The following AXIN2 variants were observed in gnomAD, a reference collection of about 807,000 sequenced individuals.
AXIN2 encodes axin-2.
Under a neutral mutation model 74.7 loss-of-function variants are expected in AXIN2, and 21 were observed. That is an observed-to-expected ratio of 0.28 (90% CI 0.20 to 0.40). AXIN2 has a LOEUF of 0.40. Among genes scored for constraint, AXIN2 ranks in the 10% least tolerant of loss-of-function variants. The probability of loss-of-function intolerance (pLI) is 1.00; values close to 1 mark genes in which losing one functional copy is unlikely to be tolerated. For missense variants in AXIN2, 1,144 were observed against 1,111.1 expected, an observed-to-expected ratio of 1.03 and a Z score of -0.42; for synonymous variants, 532 against 454.9, an observed-to-expected ratio of 1.17 and a Z score of -2.16.
chr17:65,536,830 A>G (rs9906513), intron 7 of AXIN2, 39 bp downstream of exon 7: 1 of 1,611,514 alleles, frequency 6.2e-7, no homozygotes, highest in African/African-American at 1.3e-5. Flanking sequence ...CTGAGTGCCC[A>G]TGACCCTCGC....
At position 65,535,489 on chromosome 17, in the gene AXIN2, T is replaced by C. The variant is rs929610656; in HGVS notation, c.2237+137A>G. On this transcript the variant is annotated intron_variant, in intron 9 of 10. Coordinates refer to ENST00000307078, the MANE Select transcript of AXIN2 (RefSeq NM_004655.4). The stretch of plus-strand genomic sequence containing the variant: ...TGGATGGCAACATCTACGTTTACTG[T>C]TCCTCATCACTAGCGCTAAAATCAA... 1.2e-5 allele frequency: 10 copies of C among 817,644 alleles called. No individual in the cohort carries two copies. In the African/African-American group the frequency reaches 1.7e-4, roughly 14 times the overall value. The allele number at this position is 817,644 out of a possible 1,614,324, so 50.6% of individuals were successfully genotyped here. A position where few individuals can be genotyped will look rare whatever the true frequency, so the allele number is the denominator to read the frequency against.
chr17:65,535,993 C>T (rs959661069), intron 8 of AXIN2, among the ~76,000 whole-genome samples: 16 of 152,166 alleles, frequency 1.1e-4, no homozygotes, highest in African/African-American at 3.6e-4. Context: ...CATCTCACAG[C>T]TTCTTATATA....
At chr17:65,556,826 G>T (rs1393972812) in intron 2 of AXIN2, among the ~76,000 whole-genome samples, 1 of 152,134 alleles carries the variant, frequency 6.6e-6, no homozygotes, top group Non-Finnish European at 1.5e-5. Context: ...CAGAGAGCAA[G>T]ATAAATCATT....
chr17:65,560,844 T>C (rs2044358073), intron 1 of AXIN2: 1 of 148,742 alleles, frequency 6.7e-6, no homozygotes, highest in Admixed American at 6.6e-5. Context: ...CCGCGCGCGC[T>C]CGGCGGCGAG....
At chr17:65,544,522 A>G (rs962524882) in intron 3 of AXIN2, among the ~76,000 whole-genome samples, 1 of 152,110 alleles carries the variant, frequency 6.6e-6, no homozygotes, top group Non-Finnish European at 1.5e-5. Context: ...ACCTTCAAGG[A>G]AATGTGGCTT....
chr17:65,555,377 C>A (rs1567767017), intron 2 of AXIN2, among the ~76,000 whole-genome samples: 1 of 152,154 alleles, frequency 6.6e-6, no homozygotes, highest in African/African-American at 2.4e-5. Flanking sequence ...GGGATCTCTA[C>A]ATTCCAAGAA....
chr17:65,530,219 C>A, intron 10 of AXIN2, 117 bp from the exon 11 acceptor site: 1 of 1,371,742 alleles, frequency 7.3e-7, no homozygotes, highest in South Asian at 1.2e-5. Context: ...GGCAGGTGTG[C>A]CTGTACACTG....
intron 10 of AXIN2, among the ~76,000 whole-genome samples, chr17:65,532,380 C>T (rs2043836619): frequency 6.6e-6 from 1 of 152,228 alleles, no homozygotes; most frequent in African/African-American, 2.4e-5. Context: ...CAGAGGGACA[C>T]ACTTGTGTCA....
chr17:65,560,891 C>A (rs1429615571), intron 1 of AXIN2: 7 of 149,242 alleles, frequency 4.7e-5, no homozygotes, highest in Non-Finnish European at 8.9e-5. Context: ...CCGGCCCCGG[C>A]CCCCGGCTCG....
Position 65,537,727 on chromosome 17 carries a change from T to C in AXIN2, c.1309A>G (p.Thr437Ala), listed in dbSNP as rs1445382048. Residue 437 changes from threonine (T) to alanine (A), a missense_variant, in exon 6 of 11, where the codon ACG becomes GCG. Transcript: ENST00000307078. ...CTGGACAGGTGATCGTCCAGTATCG[T>C]CTGCGGGTCTTCCTCGTAGCTGCCG... The part of the protein sequence containing the change: ...PSGSYEEDPQ[T>A]ILDDHLSRVL... 1 of 1,562,922 alleles carries C rather than the reference T, an allele frequency of 6.4e-7. No homozygotes were observed.
rs1192247283 is a variant in AXIN2, at chr17:65,529,887, T to C, written c.*89A>G. The C allele has an allele frequency of 6.8e-6, 11 of 1,607,692 alleles. No individual in the cohort carries two copies. Among genetic ancestry groups the C allele is most frequent in the Non-Finnish European group, 9.3e-6 (11 of 1,176,552 alleles). Reference sequence around the variant, plus strand: ...GTCTTCTTCATTGGTTTAATTTTCCTTCAAAATGTTTTGTCGCAGTTGCTC... The same window carrying C: ...GTCTTCTTCATTGGTTTAATTTTCCCTCAAAATGTTTTGTCGCAGTTGCTC... On this transcript the variant is annotated 3_prime_UTR_variant, in exon 11 of 11. Transcript: ENST00000307078.
intron 3 of AXIN2, among the ~76,000 whole-genome samples, chr17:65,544,302 G>T (rs1403326902): frequency 6.6e-6 from 1 of 151,646 alleles, no homozygotes; most frequent in African/African-American, 2.4e-5. Flanking sequence ...GTAGGGATGG[G>T]GAGGGGAGTA....
At chr17:65,561,206 G>A (rs1441905393) in intron 1 of AXIN2, 1 of 149,078 alleles carries the variant, frequency 6.7e-6, no homozygotes, top group Non-Finnish European at 1.5e-5. Context: ...CACTTCAAAG[G>A]CGCGAGCCGA....
chr17:65,546,897 G>T (rs1027268735), intron 3 of AXIN2, among the ~76,000 whole-genome samples: 6 of 152,148 alleles, frequency 3.9e-5, no homozygotes, highest in Non-Finnish European at 5.9e-5. Flanking sequence ...GAACCCAAAG[G>T]TATCTACTGT....
At position 65,537,042 on chromosome 17, in the gene AXIN2, C is replaced by A. The variant is rs775673863; in HGVS notation, c.1734G>T (p.Leu578Phe). 2 of 1,607,544 alleles carry A rather than the reference C, an allele frequency of 1.2e-6. No individual in the cohort carries two copies. Among genetic ancestry groups the A allele is most frequent in the South Asian group, 1.1e-5 (1 of 91,008 alleles). The change falls in exon 7 of 11, where the codon TTG becomes TTT. Residue 578 changes from leucine to phenylalanine, a missense_variant. Around this residue, in one of 4 missense-constraint regions of AXIN2, gnomAD observed 1,053 missense variants for 973.5 expected, o/e 1.08. Transcript: ENST00000307078. ...CCGTGCCTTTCCCATTGCGTTTGGGCAAGGTACTGCCTCTGCTGCCGCTGT... is the reference window on the plus strand; with the variant it reads ...CCGTGCCTTTCCCATTGCGTTTGGGAAAGGTACTGCCTCTGCTGCCGCTGT... ...EQFGGSRGSTLPKRNGKGTEP... is the reference protein window; with the variant it reads ...EQFGGSRGSTFPKRNGKGTEP...
intron 2 of AXIN2, among the ~76,000 whole-genome samples, chr17:65,552,232 C>T (rs573475426): frequency 2.0e-5 from 3 of 152,312 alleles, no homozygotes; most frequent in African/African-American, 7.2e-5. Flanking sequence ...GGGGGACTCT[C>T]TGTTCAGCAT....
At chr17:65,560,316 CTG>C (rs1428110157) in intron 1 of AXIN2, 1 of 152,104 alleles carries the variant, frequency 6.6e-6, no homozygotes, top group Non-Finnish European at 1.5e-5. Flanking sequence ...TGCGCGCAGA[CTG>C]AGCCTCCGCC....
intron 2 of AXIN2, among the ~76,000 whole-genome samples, chr17:65,553,511 G>C (rs190999215): frequency 1.3e-5 from 2 of 152,168 alleles, no homozygotes; most frequent in African/African-American, 2.4e-5. Context: ...CAGCAAAAAA[G>C]ACACCTAACT....
intron 1 of AXIN2, chr17:65,559,522 G>C (rs1170795394): frequency 6.6e-6 from 1 of 151,704 alleles, no homozygotes; most frequent in African/African-American, 2.4e-5. Flanking sequence ...TCACTCAGGG[G>C]AGACTTTCAT....
Sources: gnomAD v4.1 joint callset for allele counts (sites outside exome capture counted in the v4.1 genomes callset) on GRCh38, gnomAD v4.1.1 for gene constraint, gnomAD v4.1.1 regional missense constraint, MANE v1.5 for transcripts, NCBI Gene and HGNC (gene_info 2026-07-23, HGNC 2026-07-21) for gene names.